The following C1orf21 variants were observed in gnomAD, a reference collection of about 807,000 sequenced individuals.
C1orf21 encodes the protein chromosome 1 open reading frame 21.
A neutral mutation model predicts 18.7 loss-of-function variants in C1orf21; 3 were observed. That is an observed-to-expected ratio of 0.16 (90% CI 0.07 to 0.42). The LOEUF (loss-of-function observed/expected upper bound fraction) is 0.42. C1orf21 is among the 10% of genes least tolerant of loss of function. The pLI is 0.99. For missense variants in C1orf21, 104 were observed against 143.6 expected, an observed-to-expected ratio of 0.72 and a Z score of 1.41; for synonymous variants, 41 against 46.4, an observed-to-expected ratio of 0.88 and a Z score of 0.47.
chr1:184,507,723 C>A, intron 3 of C1orf21, 41 bp downstream of exon 3: 2 of 1,496,528 alleles, frequency 1.3e-6, no homozygotes, highest in Non-Finnish European at 1.8e-6. Context: ...ATTTTGGTGA[C>A]ACTATTGTAA....
intron 3 of C1orf21, among the ~76,000 whole-genome samples, chr1:184,564,970 C>T (rs1185758950): frequency 6.6e-6 from 1 of 152,138 alleles, no homozygotes; most frequent in Admixed American, 6.5e-5. Flanking sequence ...AAAGGATAGG[C>T]TTTAATTATG....
intron 2 of C1orf21, 49 bp from the exon 3 acceptor site, chr1:184,507,539 A>C (rs1419603498): frequency 1.0e-5 from 15 of 1,480,450 alleles, no homozygotes; most frequent in Admixed American, 4.2e-5. Context: ...ACACTTTTCT[A>C]CTATTGGGAA....
chr1:184,409,590 C>T (rs1656301911), intron 1 of C1orf21, among the ~76,000 whole-genome samples: 1 of 152,102 alleles, frequency 6.6e-6, no homozygotes, highest in African/African-American at 2.4e-5. Context: ...TATAGAACAC[C>T]AACGAACTTA....
chr1:184,483,092 G>T (rs1460431192), intron 2 of C1orf21, among the ~76,000 whole-genome samples: 1 of 152,182 alleles, frequency 6.6e-6, no homozygotes, highest in African/African-American at 2.4e-5. Flanking sequence ...CTAAAGTTCT[G>T]CCTGACACAC....
chr1:184,388,330 A>G (rs1489099071), intron 1 of C1orf21, among the ~76,000 whole-genome samples: 3 of 152,236 alleles, frequency 2.0e-5, no homozygotes, highest in Non-Finnish European at 4.4e-5. Flanking sequence ...ACACATAAAC[A>G]CGCATTAATT....
chr1:184,414,004 A>G (rs144341021), intron 1 of C1orf21, among the ~76,000 whole-genome samples: 20 of 152,340 alleles, frequency 1.3e-4, no homozygotes, highest in African/African-American at 4.3e-4. Context: ...GTGATTTACA[A>G]TAACATAATA....
intron 5 of C1orf21, among the ~76,000 whole-genome samples, chr1:184,598,921 TA>T (rs1175278578): frequency 6.6e-6 from 1 of 152,202 alleles, no homozygotes; most frequent in African/African-American, 2.4e-5. Context: ...AGATATTATC[TA>T]CATTTTACAG....
chr1:184,448,954 A>C (rs1226779259), intron 1 of C1orf21, among the ~76,000 whole-genome samples: 1 of 152,204 alleles, frequency 6.6e-6, no homozygotes, highest in Non-Finnish European at 1.5e-5. Context: ...TTCCTGCCTA[A>C]ATATATGTAT....
intron 5 of C1orf21, among the ~76,000 whole-genome samples, chr1:184,607,770 GAA>G (rs1214522295): frequency 6.6e-6 from 1 of 150,562 alleles, no homozygotes; most frequent in Non-Finnish European, 1.5e-5. Flanking sequence ...TATATAGAGA[GAA>G]AGAGTCACAA....
intron 5 of C1orf21, among the ~76,000 whole-genome samples, chr1:184,610,437 G>A (rs138559503): frequency 1.3e-3 from 192 of 152,252 alleles, no homozygotes; most frequent in East Asian, 6.4e-3. Flanking sequence ...GAACGTGGTC[G>A]TCTGCATTAT....
intron 5 of C1orf21, among the ~76,000 whole-genome samples, chr1:184,607,185 A>C (rs1392207028): frequency 6.6e-6 from 1 of 152,192 alleles, no homozygotes; most frequent in Non-Finnish European, 1.5e-5. Flanking sequence ...TCATATTTAC[A>C]AAATTGATTG....
chr1:184,431,165 A>C (rs143726207), intron 1 of C1orf21, among the ~76,000 whole-genome samples: 2,631 of 152,300 alleles, frequency 0.017, 81 homozygotes, highest in African/African-American at 0.06. Context: ...AGCCAAGACA[A>C]TCCTAAGCAA....
chr1:184,475,128 G>A (rs943380873), intron 1 of C1orf21, among the ~76,000 whole-genome samples: 4 of 152,148 alleles, frequency 2.6e-5, no homozygotes, highest in Non-Finnish European at 5.9e-5. Context: ...TCTCCCTCTT[G>A]TCTAATATTT....
intron 3 of C1orf21, among the ~76,000 whole-genome samples, chr1:184,547,390 A>G (rs1034774077): frequency 3.0e-5 from 4 of 135,532 alleles, no homozygotes; most frequent in Non-Finnish European, 4.7e-5. Flanking sequence ...TTATGATCCT[A>G]CTTCCTTGCC....
chr1:184,507,308 GT>G (rs1443762878), intron 2 of C1orf21, among the ~76,000 whole-genome samples: 2 of 152,080 alleles, frequency 1.3e-5, no homozygotes, highest in African/African-American at 2.4e-5. Context: ...GGAGTATCCT[GT>G]TTCCTCTGCA....
intron 3 of C1orf21, among the ~76,000 whole-genome samples, chr1:184,516,566 C>T (rs1258916955): frequency 6.6e-6 from 1 of 152,182 alleles, no homozygotes; most frequent in Non-Finnish European, 1.5e-5. Context: ...GGAAGCTTCA[C>T]AATCATGGCA....
chr1:184,531,143 G>A (rs1489525120), intron 3 of C1orf21, among the ~76,000 whole-genome samples: 2 of 152,158 alleles, frequency 1.3e-5, no homozygotes, highest in South Asian at 2.1e-4. Flanking sequence ...AGGGCTTCAT[G>A]TGTTTTTCTG....
intron 5 of C1orf21, among the ~76,000 whole-genome samples, chr1:184,608,514 G>A (rs1175748015): frequency 2.6e-5 from 4 of 152,176 alleles, no homozygotes; most frequent in African/African-American, 4.8e-5. Flanking sequence ...GATAGTCATG[G>A]CCACAGATGC....
intron 1 of C1orf21, among the ~76,000 whole-genome samples, chr1:184,418,121 C>G (rs1366237673): frequency 6.6e-6 from 1 of 152,096 alleles, no homozygotes; most frequent in African/African-American, 2.4e-5. Flanking sequence ...GAAACTTTTG[C>G]TCATAGATCC....
Sources: gnomAD v4.1 joint callset for allele counts (sites outside exome capture counted in the v4.1 genomes callset) on GRCh38, gnomAD v4.1.1 for gene constraint, MANE v1.5 for transcripts, NCBI Gene and HGNC (gene_info 2026-07-23, HGNC 2026-07-21) for gene names.